COX7B2: variants seen among roughly 807,000 people sequenced by gnomAD.
COX7B2 encodes cytochrome c oxidase subunit 7B2.
For synonymous variants in COX7B2, 37 were observed against 32.1 expected, an observed-to-expected ratio of 1.15 and a Z score of -0.51; for missense variants, 109 against 95.9, an observed-to-expected ratio of 1.14 and a Z score of -0.57.
chr4:46,890,295 C>T (rs75693616), intron 1 of COX7B2, among the ~76,000 whole-genome samples: 2,035 of 152,232 alleles, frequency 0.013, 38 homozygotes, highest in African/African-American at 0.046. Context: ...CAACTAGCTG[C>T]GAACTATAAC....
intron 2 of COX7B2, among the ~76,000 whole-genome samples, chr4:46,787,142 T>C (rs1293680719): frequency 6.6e-6 from 1 of 152,120 alleles, no homozygotes; most frequent in Admixed American, 6.5e-5. Context: ...TAAAGCCTAA[T>C]TGAGTGGATT....
chr4:46,735,342 T>C, intron 2 of COX7B2, 101 bp from the exon 3 acceptor site: 1 of 833,456 alleles, frequency 1.2e-6, no homozygotes, highest in African/African-American at 1.7e-5. Context: ...TGTTCAGGAA[T>C]GTGAGTTTTG....
At chr4:46,752,615 G>A (rs1215819007) in intron 2 of COX7B2, among the ~76,000 whole-genome samples, 4 of 152,256 alleles carry the variant, frequency 2.6e-5, no homozygotes, top group East Asian at 1.9e-4. Context: ...TTTATTGAGA[G>A]TTTTTAGCAT....
chr4:46,760,195 T>A (rs944303005), intron 2 of COX7B2, among the ~76,000 whole-genome samples: 2 of 152,178 alleles, frequency 1.3e-5, no homozygotes, highest in African/African-American at 4.8e-5. Context: ...GACCCAGCAA[T>A]TCCATTAGTG....
At chr4:46,754,981 CACA>C (rs1046992936) in intron 2 of COX7B2, among the ~76,000 whole-genome samples, 4 of 150,394 alleles carry the variant, frequency 2.7e-5, no homozygotes, top group Admixed American at 1.3e-4. Context: ...CATACAAGGG[CACA>C]ACAACAACAA....
intron 2 of COX7B2, among the ~76,000 whole-genome samples, chr4:46,736,661 G>T (rs1385879853): frequency 5.9e-5 from 9 of 152,038 alleles, no homozygotes; most frequent in Admixed American, 5.9e-4. Flanking sequence ...TCTTTTTACT[G>T]TCTCCACAGT....
chr4:46,903,073 C>T (rs111283916), intron 1 of COX7B2, among the ~76,000 whole-genome samples: 8 of 152,044 alleles, frequency 5.3e-5, no homozygotes, highest in African/African-American at 1.9e-4. Context: ...TAGAGATAGG[C>T]CAAATTTGAA....
chr4:46,836,071 G>A (rs1440789433), intron 2 of COX7B2, among the ~76,000 whole-genome samples: 1 of 152,142 alleles, frequency 6.6e-6, no homozygotes, highest in Non-Finnish European at 1.5e-5. Flanking sequence ...ATTGCTCTGG[G>A]TGAGGCAGTG....
chr4:46,797,107 A>T (rs1577716022), intron 2 of COX7B2, among the ~76,000 whole-genome samples: 1 of 74,578 alleles, frequency 1.3e-5, no homozygotes, highest in Non-Finnish European at 3.1e-5. Context: ...AAAAAAAAAA[A>T]AAAAAAAAAA....
chr4:46,770,917 G>GTAATTTTT (rs1358041776), intron 2 of COX7B2, among the ~76,000 whole-genome samples: 7 of 152,104 alleles, frequency 4.6e-5, no homozygotes, highest in Admixed American at 3.3e-4. Context: ...GGTTGAGACA[G>GTAATTTTT]TAATTTTTTT....
chr4:46,886,120 G>A (rs1473119905), intron 1 of COX7B2, among the ~76,000 whole-genome samples: 1 of 152,156 alleles, frequency 6.6e-6, no homozygotes, highest in Non-Finnish European at 1.5e-5. Flanking sequence ...GGCAGGCAAA[G>A]AAACTGCCAA....
At chr4:46,824,327 A>T (rs75266011) in intron 2 of COX7B2, among the ~76,000 whole-genome samples, 1,526 of 152,260 alleles carry the variant, frequency 0.01, 10 homozygotes, top group Non-Finnish European at 0.015. Flanking sequence ...TGAGGCAAGC[A>T]TCATCTTCAT....
At chr4:46,751,343 G>A (rs1179533671) in intron 2 of COX7B2, among the ~76,000 whole-genome samples, 1 of 132,778 alleles carries the variant, frequency 7.5e-6, no homozygotes, top group Admixed American at 8.2e-5. Context: ...TGGTGGTAGA[G>A]TGTATACATG....
intron 2 of COX7B2, among the ~76,000 whole-genome samples, chr4:46,833,941 G>T (rs73245869): frequency 0.15 from 23,207 of 152,174 alleles, 2,321 homozygotes; most frequent in Middle Eastern, 0.23. Flanking sequence ...AGAATGTAAA[G>T]ATGTAGCTAT....
chr4:46,904,529 T>C (rs928525377), intron 1 of COX7B2, among the ~76,000 whole-genome samples: 2 of 152,174 alleles, frequency 1.3e-5, no homozygotes, highest in East Asian at 1.9e-4. Flanking sequence ...CTTATCAGAT[T>C]GTCAAGAATC....
intron 1 of COX7B2, among the ~76,000 whole-genome samples, chr4:46,895,778 A>G (rs1375702904): frequency 6.6e-6 from 1 of 152,112 alleles, no homozygotes; most frequent in Non-Finnish European, 1.5e-5. Context: ...GCCCCCCCCA[A>G]ATTGTATAAT....
At chr4:46,831,285 C>G (rs1363662164) in intron 2 of COX7B2, among the ~76,000 whole-genome samples, 1 of 152,190 alleles carries the variant, frequency 6.6e-6, no homozygotes, top group African/African-American at 2.4e-5. Context: ...CACAGCAGCG[C>G]TCAGGACCTG....
intron 1 of COX7B2, among the ~76,000 whole-genome samples, chr4:46,878,010 T>C (rs1030023914): frequency 8.9e-5 from 13 of 146,212 alleles, no homozygotes; most frequent in African/African-American, 2.0e-4. Flanking sequence ...AATAAAGAAA[T>C]TGTAGTGCAT....
intron 2 of COX7B2, among the ~76,000 whole-genome samples, chr4:46,800,749 C>A (rs1191828025): frequency 6.6e-6 from 1 of 151,990 alleles, no homozygotes; most frequent in Non-Finnish European, 1.5e-5. Context: ...TTAAAATGGA[C>A]AAGTGGGACT....
Sources: allele counts gnomAD v4.1 joint callset (sites outside exome capture counted in the v4.1 genomes callset), GRCh38; gene constraint gnomAD v4.1.1; transcripts MANE v1.5; gene names NCBI Gene and HGNC (gene_info 2026-07-23, HGNC 2026-07-21).